EFNA5: variants seen among roughly 807,000 people sequenced by gnomAD.
The protein encoded by EFNA5 is ephrin A5.
EFNA5 carries 5 observed loss-of-function variants against 22.9 expected under a neutral mutation model. That is an observed-to-expected ratio of 0.22 (90% CI 0.11 to 0.46). The LOEUF (loss-of-function observed/expected upper bound fraction) is 0.46. EFNA5 is among the 20% of genes least tolerant of loss of function. EFNA5 has a pLI of 0.99. For missense variants in EFNA5, 237 were observed against 293.3 expected (o/e 0.81, Z 1.40); for synonymous variants, 113 against 112.2 (o/e 1.01, Z -0.04).
intron 1 of EFNA5, among the ~76,000 whole-genome samples, chr5:107,653,092 G>A (rs962374978): frequency 6.6e-6 from 1 of 151,972 alleles, no homozygotes; most frequent in African/African-American, 2.4e-5. Context: ...CAGGTACCAG[G>A]GAGGGAGAAG....
intron 1 of EFNA5, among the ~76,000 whole-genome samples, chr5:107,503,042 G>A (rs1049427859): frequency 2.0e-5 from 3 of 152,084 alleles, no homozygotes; most frequent in African/African-American, 7.2e-5. Context: ...CTTGGGTGGT[G>A]GATAATGGAA....
intron 1 of EFNA5, among the ~76,000 whole-genome samples, chr5:107,470,315 G>C (rs1314410004): frequency 6.6e-6 from 1 of 152,178 alleles, no homozygotes; most frequent in South Asian, 2.1e-4. Flanking sequence ...AATAGCCAGA[G>C]ATGCTATTTT....
chr5:107,572,717 C>G (rs1319897141), intron 1 of EFNA5, among the ~76,000 whole-genome samples: 2 of 152,160 alleles, frequency 1.3e-5, no homozygotes, highest in Non-Finnish European at 2.9e-5. Context: ...CAGTTTTGCA[C>G]TTCCATTGTT....
chr5:107,407,606 A>G (rs1450904473), intron 2 of EFNA5, among the ~76,000 whole-genome samples: 1 of 152,200 alleles, frequency 6.6e-6, no homozygotes, highest in Non-Finnish European at 1.5e-5. Flanking sequence ...AATTGTCCCC[A>G]AAGCTCCTCT....
chr5:107,476,057 T>TGTATACATATATATATATGTATGTA, intron 1 of EFNA5, among the ~76,000 whole-genome samples: 2 of 100,432 alleles, frequency 2.0e-5, no homozygotes, highest in African/African-American at 1.0e-4. Context: ...TATATATATA[T>TGTATACATATATATATATGTATGTA]TTTTTTTTTT....
intron 1 of EFNA5, among the ~76,000 whole-genome samples, chr5:107,428,974 T>A (rs578236489): frequency 4.6e-5 from 7 of 152,320 alleles, no homozygotes; most frequent in African/African-American, 1.4e-4. Flanking sequence ...CATTTGAAAA[T>A]CTTGATTCCC....
intron 1 of EFNA5, among the ~76,000 whole-genome samples, chr5:107,657,704 GACTTAAAGTACAA>G (rs1472626575): frequency 6.6e-6 from 1 of 151,980 alleles, no homozygotes; most frequent in Non-Finnish European, 1.5e-5. Flanking sequence ...AAATACACCT[GACTTAAAGTACAA>G]ACCGTTTTAT....
At chr5:107,576,530 G>A (rs557400103) in intron 1 of EFNA5, among the ~76,000 whole-genome samples, 11 of 152,206 alleles carry the variant, frequency 7.2e-5, no homozygotes, top group Admixed American at 6.5e-5. Flanking sequence ...GAACTATGCC[G>A]ACATTTCTTT....
intron 1 of EFNA5, among the ~76,000 whole-genome samples, chr5:107,470,465 G>A (rs1750109556): frequency 6.6e-6 from 1 of 152,146 alleles, no homozygotes; most frequent in African/African-American, 2.4e-5. Context: ...CAGAGAGAAT[G>A]GTATAATAGC....
chr5:107,670,556 T>C lies in EFNA5; in HGVS notation c.58A>G (p.Ser20Gly), dbSNP rs898892115. The stretch of plus-strand genomic sequence containing the variant: ...ACGGCCTTGGAGCCCGGGTCCTGGC[T>C]GAACACACACATCCAGAGCACCAGA... ...VFLVLWMCVF[S>G]QDPGSKAVAD... The change falls in exon 1 of 5, where the codon AGC becomes GGC. Residue 20 changes from serine to glycine, a missense_variant. By Grantham distance (56) the Ser-to-Gly change is moderately conservative. This residue lies in a region of EFNA5 where 120 missense variants were observed against 140.5 expected (regional missense o/e 0.85). Coordinates refer to ENST00000333274, the MANE Select transcript of EFNA5 (RefSeq NM_001962.3). The C allele has an allele frequency of 5.6e-6, 9 of 1,598,888 alleles. No individual in the cohort carries two copies. In the African/African-American group the frequency reaches 8.1e-5, roughly 14 times the overall value.
intron 1 of EFNA5, among the ~76,000 whole-genome samples, chr5:107,638,217 T>A (rs1750427591): frequency 6.6e-6 from 1 of 152,124 alleles, no homozygotes; most frequent in Non-Finnish European, 1.5e-5. Context: ...AACCTAAGGG[T>A]TCCTGCTTTC....
intron 1 of EFNA5, among the ~76,000 whole-genome samples, chr5:107,547,331 G>A (rs1291137184): frequency 1.3e-5 from 2 of 152,122 alleles, no homozygotes; most frequent in African/African-American, 4.8e-5. Flanking sequence ...TCTGACTTTT[G>A]AGAGGAAAAT....
intron 1 of EFNA5, among the ~76,000 whole-genome samples, chr5:107,539,833 G>C (rs935072978): frequency 6.6e-6 from 1 of 152,158 alleles, no homozygotes; most frequent in Admixed American, 6.5e-5. Context: ...TAACTCTATG[G>C]TTAATTAAAA....
At chr5:107,471,292 C>A (rs922548894) in intron 1 of EFNA5, among the ~76,000 whole-genome samples, 29 of 152,166 alleles carry the variant, frequency 1.9e-4, no homozygotes, top group African/African-American at 6.3e-4. Flanking sequence ...TGTTGATTCC[C>A]CCTTTTTGCC....
intron 1 of EFNA5, among the ~76,000 whole-genome samples, chr5:107,494,133 C>G (rs1245427311): frequency 6.6e-6 from 1 of 152,256 alleles, no homozygotes; most frequent in Non-Finnish European, 1.5e-5. Flanking sequence ...TCTGCCTGGG[C>G]TCCCACTTTG....
intron 1 of EFNA5, among the ~76,000 whole-genome samples, chr5:107,580,117 C>T (rs1454392736): frequency 6.6e-6 from 1 of 152,140 alleles, no homozygotes; most frequent in African/African-American, 2.4e-5. Context: ...GTCTATATAG[C>T]TGCACACAAA....
chr5:107,663,693 C>T (rs909401903), intron 1 of EFNA5, among the ~76,000 whole-genome samples: 4 of 152,104 alleles, frequency 2.6e-5, no homozygotes, highest in African/African-American at 4.8e-5. Flanking sequence ...TACTGTTAGA[C>T]GATCTCTCCT....
intron 2 of EFNA5, among the ~76,000 whole-genome samples, chr5:107,412,754 C>T (rs533375817): frequency 6.6e-6 from 1 of 152,262 alleles, no homozygotes; most frequent in Admixed American, 6.5e-5. Context: ...TTCATCCTCA[C>T]CACTGTAGAA....
chr5:107,593,524 C>A (rs1402345589), intron 1 of EFNA5, among the ~76,000 whole-genome samples: 3 of 152,152 alleles, frequency 2.0e-5, no homozygotes, highest in Non-Finnish European at 1.5e-5. Flanking sequence ...ACCTCGAGAG[C>A]AGAGGGGCTC....
Sources: gnomAD v4.1 joint callset for allele counts (sites outside exome capture counted in the v4.1 genomes callset) on GRCh38, gnomAD v4.1.1 for gene constraint, gnomAD v4.1.1 regional missense constraint, MANE v1.5 for transcripts, NCBI Gene and HGNC (gene_info 2026-07-23, HGNC 2026-07-21) for gene names.